Variants in ARID1A observed in about 807,000 individuals in gnomAD.
ARID1A encodes the protein AT-rich interactive domain-containing protein 1A.
In ARID1A, 20 loss-of-function variants were observed where a neutral mutation model predicts 212.6. That is an observed-to-expected ratio of 0.09 (90% confidence interval 0.07 to 0.14). ARID1A has a LOEUF of 0.14. Among genes scored for constraint, ARID1A ranks in the 10% least tolerant of loss-of-function variants. ARID1A has a pLI of 1.00. For missense variants in ARID1A, 2,587 were observed against 3,059.0 expected (o/e 0.85, Z 3.64); for synonymous variants, 1,376 against 1,222.1 (o/e 1.13, Z -2.63).
chr1:26,768,031 G>C (rs2124088235), intron 11 of ARID1A, 32 bp downstream of exon 11: 1 of 1,605,218 alleles, frequency 6.2e-7, no homozygotes, highest in Non-Finnish European at 8.5e-7. Flanking sequence ...GACTGCCCCT[G>C]TGGTTTCCAC....
intron 4 of ARID1A, among the ~76,000 whole-genome samples, chr1:26,733,305 T>G (rs1348367414): frequency 6.6e-6 from 1 of 152,006 alleles, no homozygotes; most frequent in Non-Finnish European, 1.5e-5. Flanking sequence ...GGTGCTTAAG[T>G]TATGGAATCA....
At chr1:26,738,773 G>A (rs1379189061) in intron 4 of ARID1A, among the ~76,000 whole-genome samples, 1 of 152,010 alleles carries the variant, frequency 6.6e-6, no homozygotes, top group East Asian at 1.9e-4. Flanking sequence ...TGGCCAGGCT[G>A]GTTTCGAACT....
chr1:26,767,811 A>G lies in ARID1A; in HGVS notation c.3010A>G (p.Thr1004Ala), dbSNP rs1254141515. The part of the protein sequence containing the change: ...KSKKSSSSTT[T>A]NEKITKLYEL... The stretch of plus-strand genomic sequence containing the variant: ...CCAGAAATCCAGTTCTTCTACTACA[A>G]CCAATGAGAAGATCACCAAGTTGTA... Residue 1004 changes from threonine (T) to alanine (A), a missense_variant, in exon 11 of 20, where the codon ACC (threonine) becomes GCC (alanine). Coordinates refer to ENST00000324856, the MANE Select transcript of ARID1A (RefSeq NM_006015.6). 1 of 1,613,688 alleles carries G rather than the reference A, an allele frequency of 6.2e-7. No individual in the cohort carries two copies. Among genetic ancestry groups the G allele is most frequent in the African/African-American group, 1.3e-5 (1 of 74,898 alleles).
In ARID1A at chr1:26,780,772, T is replaced by TCC. The variant is rs3841356; in HGVS notation, c.*24_*25dup. On this transcript the variant is annotated 3_prime_UTR_variant, in exon 20 of 20. Transcript: ENST00000324856. The surrounding 1 kb of genome is among the most constrained non-coding windows in gnomAD (Gnocchi z 7.2). Reference sequence around the variant, plus strand: ...CCAGTCATGACAGCCGTGGGACACCTCCCCCCCCCGTGTGTGTGTGCGTGT... The same window carrying TCC: ...CCAGTCATGACAGCCGTGGGACACCTCCCCCCCCCCCGTGTGTGTGTGCGTGT... The TCC allele has an allele frequency of 2.5e-4, 376 of 1,500,644 alleles. No individual in the cohort carries two copies. The highest frequency in any genetic ancestry group is 8.8e-4 in the South Asian group (69 of 78,436). The allele number at this position is 1,500,644 out of a possible 1,614,324, so 93.0% of individuals were successfully genotyped here.
At chr1:26,713,445 A>G (rs1404002419) in intron 1 of ARID1A, among the ~76,000 whole-genome samples, 3 of 145,194 alleles carry the variant, frequency 2.1e-5, no homozygotes, top group East Asian at 4.1e-4. Context: ...TGCAACTTCT[A>G]CTTCCTGGGT....
At chr1:26,746,967 G>A (rs552447480) in intron 4 of ARID1A, among the ~76,000 whole-genome samples, 27 of 152,120 alleles carry the variant, frequency 1.8e-4, no homozygotes, top group Middle Eastern at 3.4e-3. Flanking sequence ...GCTTGAACCC[G>A]GGAGGCAGAG....
chr1:26,778,068 C>CAAAAAAAA (rs35541790), intron 19 of ARID1A: 2 of 101,110 alleles, frequency 2.0e-5, no homozygotes, highest in Non-Finnish European at 3.9e-5. Flanking sequence ...GACTCTGTCT[C>CAAAAAAAA]AAAAAAAAAA....
In ARID1A at chr1:26,766,500, G is replaced by C. The variant is rs1046483334; in HGVS notation, c.2922G>C (p.Lys974Asn). Residue 974 changes from lysine (K) to asparagine (N), a missense_variant, in exon 10 of 20, where the codon AAG becomes AAC. This residue lies in a region of ARID1A where 674 missense variants were observed against 813.4 expected (regional missense o/e 0.83). Transcript: ENST00000324856. ...AGATGATGGGCCTTGGGGATGTAAA[G>C]TTAACTCCAGCCACCAAAATGAACA... ...SPEMMGLGDV[K>N]LTPATKMNNK... is the part of the protein sequence containing the mutation. 1.9e-6 allele frequency: 3 copies of C among 1,613,998 alleles called. No individual in the cohort carries two copies. In the African/African-American group the frequency reaches 4.0e-5, roughly 22 times the overall value.
intron 10 of ARID1A, 41 bp downstream of exon 10, chr1:26,766,607 A>G (rs753667254): frequency 7.8e-6 from 12 of 1,540,120 alleles, no homozygotes; most frequent in Non-Finnish European, 9.7e-6. Flanking sequence ...TTTGTGTCCT[A>G]TCTTTTTCAG....
chr1:26,728,160 C>T (rs541292999), intron 1 of ARID1A, among the ~76,000 whole-genome samples: 4 of 152,146 alleles, frequency 2.6e-5, no homozygotes, highest in African/African-American at 9.7e-5. Context: ...TGACTTTGTA[C>T]AGTTTAGAAA....
Position 26,761,431 on chromosome 1 carries a change from A to G in ARID1A, c.2209A>G (p.Met737Val), listed in dbSNP as rs772110993. 3.7e-6 allele frequency: 6 copies of G among 1,614,232 alleles called. No homozygotes were observed. Among genetic ancestry groups the G allele is most frequent in the Non-Finnish European group, 3.4e-6 (4 of 1,180,038 alleles). The part of the protein sequence containing the change: ...RPPSGQSDSI[M>V]HPSMNQSSIA... Reference sequence around the variant, plus strand: ...ACCCAGTGGCCAGTCGGACAGCATCATGCATCCTTCCATGAACCAATCAAG... The same window carrying G: ...ACCCAGTGGCCAGTCGGACAGCATCGTGCATCCTTCCATGAACCAATCAAG... Residue 737 changes from methionine (M) to valine (V), a missense_variant, in exon 6 of 20, where the codon ATG becomes GTG. Met to Val is a conservative substitution (Grantham distance 21). Coordinates refer to ENST00000324856, the MANE Select transcript of ARID1A (RefSeq NM_006015.6).
In ARID1A at chr1:26,767,802, T is replaced by A. The variant is rs2081052037; in HGVS notation, c.3001T>A (p.Ser1001Thr). Reference sequence around the variant, plus strand: ...CTGAACCTTCCAGAAATCCAGTTCTTCTACTACAACCAATGAGAAGATCAC... The same window carrying A: ...CTGAACCTTCCAGAAATCCAGTTCTACTACTACAACCAATGAGAAGATCAC... ...TESKSKKSSS[S>T]TTTNEKITKL... The change falls in exon 11 of 20, where the codon TCT (serine) becomes ACT (threonine). Residue 1001 changes from serine (S) to threonine (T), a missense_variant. Physicochemically the swap from Ser to Thr is moderately conservative, Grantham distance 58. This residue lies in a region of ARID1A where 674 missense variants were observed against 813.4 expected (regional missense o/e 0.83). Coordinates refer to ENST00000324856, the MANE Select transcript of ARID1A (RefSeq NM_006015.6). The A allele has an allele frequency of 3.7e-6, 6 of 1,613,572 alleles. No homozygotes were observed. Among genetic ancestry groups the A allele is most frequent in the Non-Finnish European group, 5.1e-6 (6 of 1,179,732 alleles).
At chr1:26,754,406 A>G (rs1277945678) in intron 4 of ARID1A, among the ~76,000 whole-genome samples, 1 of 152,166 alleles carries the variant, frequency 6.6e-6, no homozygotes, top group Non-Finnish European at 1.5e-5. Context: ...ACTGGTGGGT[A>G]TGTCTTAGAA....
Position 26,729,566 on chromosome 1 carries a change from T to TA in ARID1A, c.1138-78dup, listed in dbSNP as rs1341953366. On this transcript the variant is annotated intron_variant, in intron 1 of 19. Coordinates refer to ENST00000324856, the MANE Select transcript of ARID1A (RefSeq NM_006015.6). ...CTGTATTTCTTTATAGCATACAGAC[T>TA]AAAAAAACCTGTGTACTTGGGTTAT... is the stretch of plus-strand genomic sequence containing the variant. 35 of 1,486,416 alleles carry TA rather than the reference T, an allele frequency of 2.4e-5. No individual in the cohort carries two copies. The East Asian group carries it at 5.3e-4, about 22-fold the overall frequency. 92.1% of individuals were successfully genotyped at this position (1,486,416 alleles called of 1,614,324 possible). A position where few individuals can be genotyped will look rare whatever the true frequency, so the allele number is the denominator to read the frequency against.
In ARID1A at chr1:26,774,595, A is replaced by G; in HGVS notation, c.4368A>G (p.Pro1456=). ...RPAGGPQNQF[P]FQFGRDRVSA... is the part of the protein sequence containing the mutation. Reference sequence around the variant, plus strand: ...CAGGCGGCCCCCAGAACCAATTTCCATTCCAGTTTGGCCGAGACCGTGTCT... The same window carrying G: ...CAGGCGGCCCCCAGAACCAATTTCCGTTCCAGTTTGGCCGAGACCGTGTCT... The change falls in exon 18 of 20, where the codon CCA becomes CCG. Residue 1456 remains proline (P), a synonymous_variant. Coordinates refer to ENST00000324856, the MANE Select transcript of ARID1A (RefSeq NM_006015.6). The surrounding 1 kb of genome is among the most constrained non-coding windows in gnomAD (Gnocchi z 5.6). 1.2e-6 allele frequency: 2 copies of G among 1,614,166 alleles called. No individual in the cohort carries two copies. Among genetic ancestry groups the G allele is most frequent in the South Asian group, 1.1e-5 (1 of 91,088 alleles).
intron 1 of ARID1A, among the ~76,000 whole-genome samples, chr1:26,705,840 T>C (rs894464184): frequency 6.6e-6 from 1 of 152,228 alleles, no homozygotes; most frequent in Non-Finnish European, 1.5e-5. Flanking sequence ...AATATTATCT[T>C]GGGACAGGTT....
rs747425022 is a variant in ARID1A at position 26,762,937 on chromosome 1, A to C, written c.2420-36A>C. 2.0e-6 allele frequency: 3 copies of C among 1,522,752 alleles called. No homozygotes were observed. The African/African-American group carries it at 4.1e-5, about 21-fold the overall frequency. The allele number at this position is 1,522,752 out of a possible 1,614,324, so 94.3% of individuals were successfully genotyped here. ...GAGAGATATTAGTGAGTTGCTAGTGAGTGACTAACCAAGTCTTGTCTTCCT... is the reference window on the plus strand; with the variant it reads ...GAGAGATATTAGTGAGTTGCTAGTGCGTGACTAACCAAGTCTTGTCTTCCT... On this transcript the variant is annotated intron_variant, in intron 7 of 19. Coordinates refer to ENST00000324856, the MANE Select transcript of ARID1A (RefSeq NM_006015.6).
At position 26,725,155 on chromosome 1, in the gene ARID1A, CCT is replaced by C. The variant is rs1055218662; in HGVS notation, c.1138-4493_1138-4492del. 2.4e-4 allele frequency among the ~76,000 whole-genome samples: 37 copies of C among 152,180 alleles called. 1 individual carries two copies. The highest frequency in any genetic ancestry group is 7.7e-4 in the African/African-American group (32 of 41,496). On this transcript the variant is annotated intron_variant, in intron 1 of 19. Transcript: ENST00000324856. Reference sequence around the variant, plus strand: ...CTGTGGTTTCCCATTGAAAGGATTTCCTCTGTCTTTCCCAGAGTGGAATCTCT... The same window carrying C: ...CTGTGGTTTCCCATTGAAAGGATTTCCTGTCTTTCCCAGAGTGGAATCTCT...
rs1190102411 is a variant in ARID1A, at chr1:26,696,634, C to G, written c.231C>G (p.Ala77=). ...TGGGAAAGGAGCTGCAGGACGGGGCCGAGAGCAATGGGGGTGGCGGCGGCG... is the reference window on the plus strand; with the variant it reads ...TGGGAAAGGAGCTGCAGGACGGGGCGGAGAGCAATGGGGGTGGCGGCGGCG... ...QPLGKELQDG[A]ESNGGGGGGG... is the part of the protein sequence containing the mutation. The change falls in exon 1 of 20, where the codon GCC becomes GCG. Residue 77 remains alanine, a synonymous_variant. Coordinates refer to ENST00000324856, the MANE Select transcript of ARID1A (RefSeq NM_006015.6). The G allele has an allele frequency of 2.3e-6, 3 of 1,289,474 alleles. No homozygotes were observed. Among genetic ancestry groups the G allele is most frequent in the African/African-American group, 1.6e-5 (1 of 64,324 alleles). 79.9% of individuals were successfully genotyped at this position (1,289,474 alleles called of 1,614,324 possible).
Sources: gnomAD v4.1 joint callset for allele counts (sites outside exome capture counted in the v4.1 genomes callset) on GRCh38, gnomAD v4.1.1 for gene constraint, gnomAD v4.1.1 regional missense constraint, Gnocchi (gnomAD v3.1) non-coding constraint, MANE v1.5 for transcripts, NCBI Gene and HGNC (gene_info 2026-07-23, HGNC 2026-07-21) for gene names.